CFTR: variants seen among roughly 807,000 people sequenced by gnomAD.
CFTR encodes the protein CF transmembrane conductance regulator.
CFTR carries 181 observed loss-of-function variants against 171.6 expected under a neutral mutation model. The observed-to-expected ratio is 1.05, with a 90% confidence interval of 0.93 to 1.19. The LOEUF is 1.19. CFTR is among the 50% of genes most tolerant of loss of function. CFTR has a pLI of 0.00. For missense variants in CFTR, 1,968 were observed against 1,734.7 expected, an observed-to-expected ratio of 1.13 and a Z score of -2.39; for synonymous variants, 583 against 608.0, an observed-to-expected ratio of 0.96 and a Z score of 0.60.
intron 3 of CFTR, among the ~76,000 whole-genome samples, chr7:117,517,754 T>C (rs1255264090): frequency 6.6e-6 from 1 of 152,200 alleles, no homozygotes; most frequent in Non-Finnish European, 1.5e-5. Flanking sequence ...CCATTCTAAC[T>C]GGTGTGAGAT....
intron 7 of CFTR, among the ~76,000 whole-genome samples, chr7:117,539,730 C>CA (rs913606432): frequency 6.0e-5 from 9 of 150,304 alleles, no homozygotes; most frequent in African/African-American, 2.2e-4. Context: ...AACCAACAAG[C>CA]AAAAAATGAT....
chr7:117,608,314 C>G (rs1792332832), intron 18 of CFTR, among the ~76,000 whole-genome samples: 1 of 152,098 alleles, frequency 6.6e-6, no homozygotes, highest in Non-Finnish European at 1.5e-5. Flanking sequence ...AAGCGATTCT[C>G]TCGCATCAGC....
chr7:117,560,613 G>A (rs1383411867), intron 11 of CFTR: 1 of 151,932 alleles, frequency 6.6e-6, no homozygotes, highest in East Asian at 1.9e-4. Context: ...TTACATGAAT[G>A]GCTTTCCATG....
At chr7:117,619,196 C>T (rs1036103430) in intron 21 of CFTR, among the ~76,000 whole-genome samples, 2 of 152,182 alleles carry the variant, frequency 1.3e-5, no homozygotes, top group Non-Finnish European at 2.9e-5. Context: ...TTTCTTTGTA[C>T]TCATAAGATG....
At chr7:117,647,664 A>G (rs1408936701) in intron 23 of CFTR, among the ~76,000 whole-genome samples, 2 of 148,456 alleles carry the variant, frequency 1.3e-5, no homozygotes, top group Non-Finnish European at 3.0e-5. Context: ...TCCAAACCAT[A>G]CCACCAGCTA....
rs141206145 is a variant in CFTR, at chr7:117,534,427, C to T, written c.579+62C>T. 334 of 913,670 alleles carry T rather than the reference C, an allele frequency of 3.7e-4. 1 individual carries two copies. The African/African-American group carries it at 4.6e-3, about 13-fold the overall frequency. 56.6% of individuals were successfully genotyped at this position (913,670 alleles called of 1,614,324 possible). ...GTTATAAATTATACAACTGGAAAGG[C>T]GGAGTTTTCCTGGGTCAGATAATAG... On this transcript the variant is annotated intron_variant, in intron 5 of 26. Transcript: ENST00000003084.
intron 22 of CFTR, among the ~76,000 whole-genome samples, chr7:117,630,441 C>G (rs1792723664): frequency 6.6e-6 from 1 of 152,070 alleles, no homozygotes; most frequent in African/African-American, 2.4e-5. Context: ...AATTTTGCTC[C>G]TTAGTTCTAT....
chr7:117,573,765 T>A (rs1791729670), intron 11 of CFTR, among the ~76,000 whole-genome samples: 1 of 152,118 alleles, frequency 6.6e-6, no homozygotes, highest in Admixed American at 6.5e-5. Flanking sequence ...TAAAATTAAT[T>A]GAACACAATA....
rs34400048 is a variant in CFTR at position 117,651,217 on chromosome 7, T to A, written c.3874-1625T>A. On this transcript the variant is annotated intron_variant, in intron 23 of 26. Transcript: ENST00000003084. ...AGGTAATATATTGTTTGATACTTGG[T>A]TAACCCTTACAATTATCATTTCCTG... Among the ~76,000 whole-genome samples the A allele has an allele frequency of 5.2e-3, 786 of 152,310 alleles. 9 individuals carry two copies. The highest frequency in any genetic ancestry group is 0.017 in the African/African-American group (712 of 41,594).
intron 14 of CFTR, among the ~76,000 whole-genome samples, chr7:117,594,713 G>A (rs191492514): frequency 6.6e-6 from 1 of 152,146 alleles, no homozygotes; most frequent in Non-Finnish European, 1.5e-5. Context: ...GAAAAATTAC[G>A]ATGTTTCTCA....
intron 7 of CFTR, 39 bp downstream of exon 7, chr7:117,536,712 T>C (rs1433098353): frequency 1.3e-6 from 2 of 1,554,032 alleles, no homozygotes; most frequent in Non-Finnish European, 1.8e-6. Context: ...TTAGTAATTC[T>C]GTCCTTAATT....
Position 117,668,189 on chromosome 7 carries a change from C to T in CFTR, c.*1081C>T, listed in dbSNP as rs1418287323. The T allele has an allele frequency of 6.6e-6, 1 of 152,050 alleles. No individual in the cohort carries two copies. The highest frequency in any genetic ancestry group is 1.5e-5 in the Non-Finnish European group (1 of 68,010). The allele number at this position is 152,050 out of a possible 1,614,324, so 9.4% of individuals were successfully genotyped here. A position where few individuals can be genotyped will look rare whatever the true frequency, so the allele number is the denominator to read the frequency against. On this transcript the variant is annotated 3_prime_UTR_variant, in exon 27 of 27. Coordinates refer to ENST00000003084, the MANE Select transcript of CFTR (RefSeq NM_000492.4). Reference sequence around the variant, plus strand: ...ACCAATCATGAATTAGTTTTATATGCTTCTGTTTTATAATTTTGTGAAGCA... The same window carrying T: ...ACCAATCATGAATTAGTTTTATATGTTTCTGTTTTATAATTTTGTGAAGCA...
chr7:117,630,956 G>A (rs912000099), intron 22 of CFTR, among the ~76,000 whole-genome samples: 2 of 152,120 alleles, frequency 1.3e-5, no homozygotes, highest in African/African-American at 4.8e-5. Context: ...AGTAATGGGA[G>A]ACAAGATTGG....
chr7:117,595,759 C>A (rs1013545721), intron 15 of CFTR, among the ~76,000 whole-genome samples: 3 of 151,934 alleles, frequency 2.0e-5, no homozygotes, highest in African/African-American at 7.3e-5. Flanking sequence ...TGGTGTGTGC[C>A]TGTATGCTAC....
At position 117,610,538 on chromosome 7, in the gene CFTR, GAGCTATAGC is replaced by G. The variant is rs1562914072; in HGVS notation, c.3011_3019del (p.Ala1004_Ala1006del). On this transcript the variant is annotated inframe_deletion, in exon 19 of 27. Coordinates refer to ENST00000003084, the MANE Select transcript of CFTR (RefSeq NM_000492.4). Reference sequence around the variant, plus strand: ...TTACAGTTGTTATTAATTGTGATTGGAGCTATAGCAGTTGTCGCAGTTTTACAACCCTAC... The same window carrying G: ...TTACAGTTGTTATTAATTGTGATTGGAGTTGTCGCAGTTTTACAACCCTAC... 2 of 1,613,178 alleles carry G rather than the reference GAGCTATAGC, an allele frequency of 1.2e-6. No homozygotes were observed. Among genetic ancestry groups the G allele is most frequent in the Non-Finnish European group, 1.7e-6 (2 of 1,179,558 alleles).
At chr7:117,567,652 C>A (rs1009278183) in intron 11 of CFTR, among the ~76,000 whole-genome samples, 2 of 152,050 alleles carry the variant, frequency 1.3e-5, no homozygotes, top group South Asian at 2.1e-4. Context: ...AACAGGAGTT[C>A]GTATTTGTAA....
chr7:117,537,117 T>G (rs929457930), intron 7 of CFTR, among the ~76,000 whole-genome samples: 1 of 152,202 alleles, frequency 6.6e-6, no homozygotes, highest in East Asian at 1.9e-4. Context: ...GGTTAGAATA[T>G]GTTTGCTCTT....
At chr7:117,536,411 C>A in intron 6 of CFTR, 137 bp from the exon 7 acceptor site, 1 of 870,242 alleles carries the variant, frequency 1.1e-6, no homozygotes, top group East Asian at 2.8e-5. Context: ...ATTTTTGTTA[C>A]CATCTATTTG....
intron 3 of CFTR, among the ~76,000 whole-genome samples, chr7:117,524,290 T>C (rs1487746103): frequency 6.6e-6 from 1 of 151,982 alleles, no homozygotes; most frequent in East Asian, 1.9e-4. Context: ...CTCTGCTTCA[T>C]GATCACATGT....
Sources: gnomAD v4.1 joint callset for allele counts (sites outside exome capture counted in the v4.1 genomes callset) on GRCh38, gnomAD v4.1.1 for gene constraint, MANE v1.5 for transcripts, NCBI Gene and HGNC (gene_info 2026-07-23, HGNC 2026-07-21) for gene names.